Variants in PRKD1 observed in about 807,000 individuals in gnomAD.
PRKD1 encodes the protein serine/threonine-protein kinase D1.
Under a neutral mutation model 95.9 loss-of-function variants are expected in PRKD1, and 63 were observed. That is an observed-to-expected ratio of 0.66 (90% CI 0.54 to 0.81). The LOEUF (loss-of-function observed/expected upper bound fraction) is 0.81, where lower values mean the gene tolerates loss of function less well. Ranked by LOEUF, PRKD1 falls within the 30% of genes least tolerant of loss-of-function variation. The probability of loss-of-function intolerance (pLI) is 0.00; values close to 1 mark genes in which losing one functional copy is unlikely to be tolerated. For missense variants in PRKD1, 1,048 were observed against 1,165.3 expected, an observed-to-expected ratio of 0.90 and a Z score of 1.47; for synonymous variants, 425 against 423.1, an observed-to-expected ratio of 1.00 and a Z score of -0.05.
intron 1 of PRKD1, among the ~76,000 whole-genome samples, chr14:29,893,541 A>G (rs1894014086): frequency 6.6e-6 from 1 of 152,178 alleles, no homozygotes; most frequent in African/African-American, 2.4e-5. Flanking sequence ...GTCAGAAAAA[A>G]TAAGTAAATC....
At chr14:29,808,821 T>C (rs1193827192) in intron 1 of PRKD1, among the ~76,000 whole-genome samples, 3 of 152,216 alleles carry the variant, frequency 2.0e-5, no homozygotes, top group Non-Finnish European at 1.5e-5. Flanking sequence ...ACTCCTCTTA[T>C]TGTTACGGTT....
At chr14:29,858,305 T>C (rs528846246) in intron 1 of PRKD1, among the ~76,000 whole-genome samples, 2 of 152,318 alleles carry the variant, frequency 1.3e-5, no homozygotes, top group African/African-American at 4.8e-5. Flanking sequence ...GGGTACAAAC[T>C]GGTTTTTACA....
intron 4 of PRKD1, chr14:29,658,014 T>C (rs1881986696): frequency 6.6e-6 from 1 of 152,320 alleles, no homozygotes; most frequent in South Asian, 2.1e-4. Flanking sequence ...ATTACAACTT[T>C]GTTTGCAGGT....
intron 1 of PRKD1, among the ~76,000 whole-genome samples, chr14:29,870,735 T>A (rs1893073996): frequency 6.6e-6 from 1 of 152,228 alleles, no homozygotes; most frequent in Admixed American, 6.5e-5. Flanking sequence ...ATATTATGTG[T>A]CTATTATATG....
rs45608039 is a variant in PRKD1 at position 29,703,643 on chromosome 14, A to G, written c.403+21893T>C. ...GAAGATGTAGGTATAAAGGAAGATG[A>G]TAAGATTTACGTGTATATCTTTTTT... On this transcript the variant is annotated intron_variant, in intron 2 of 17. Transcript: ENST00000331968. Among the ~76,000 whole-genome samples, 133 of 152,302 alleles carry G rather than the reference A, an allele frequency of 8.7e-4. 1 individual carries two copies. Among genetic ancestry groups the G allele is most frequent in the African/African-American group, 3.0e-3 (126 of 41,568 alleles).
intron 1 of PRKD1, among the ~76,000 whole-genome samples, chr14:29,798,920 CCT>C (rs1384966601): frequency 1.1e-4 from 16 of 152,236 alleles, no homozygotes; most frequent in Non-Finnish European, 2.4e-4. Context: ...TGTTCTACCC[CCT>C]CTGTCCTTGA....
At chr14:29,777,047 C>T (rs936121752) in intron 1 of PRKD1, among the ~76,000 whole-genome samples, 2 of 152,078 alleles carry the variant, frequency 1.3e-5, no homozygotes, top group African/African-American at 2.4e-5. Flanking sequence ...TCAAACTAAG[C>T]TTTAGAAGTG....
intron 1 of PRKD1, among the ~76,000 whole-genome samples, chr14:29,730,404 T>G (rs527506702): frequency 2.6e-5 from 4 of 152,206 alleles, no homozygotes; most frequent in African/African-American, 9.6e-5. Flanking sequence ...AAGAGAACCC[T>G]GTACACTCTG....
intron 1 of PRKD1, among the ~76,000 whole-genome samples, chr14:29,745,145 G>A (rs1887154541): frequency 6.6e-6 from 1 of 152,136 alleles, no homozygotes; most frequent in Admixed American, 6.5e-5. Flanking sequence ...CCTTAGAGAG[G>A]CTTTCCCTGA....
intron 1 of PRKD1, among the ~76,000 whole-genome samples, chr14:29,811,112 G>A (rs186218795): frequency 3.9e-5 from 6 of 152,236 alleles, no homozygotes; most frequent in Non-Finnish European, 5.9e-5. Flanking sequence ...AATTTGCAGG[G>A]CCCCTTGTTC....
intron 1 of PRKD1, among the ~76,000 whole-genome samples, chr14:29,806,264 T>C (rs1890228390): frequency 6.6e-6 from 1 of 152,230 alleles, no homozygotes; most frequent in Admixed American, 6.5e-5. Flanking sequence ...CAGGATGGAT[T>C]GGACATTTTG....
At chr14:29,873,698 T>C (rs1189852305) in intron 1 of PRKD1, among the ~76,000 whole-genome samples, 1 of 152,264 alleles carries the variant, frequency 6.6e-6, no homozygotes, top group East Asian at 1.9e-4. Flanking sequence ...TTTACACAAG[T>C]TGGGGGGCAC....
chr14:29,802,959 T>C (rs896657613), intron 1 of PRKD1, among the ~76,000 whole-genome samples: 2 of 152,234 alleles, frequency 1.3e-5, no homozygotes, highest in Non-Finnish European at 2.9e-5. Context: ...ATAGCAACTC[T>C]GGTTTTATTT....
At chr14:29,816,326 G>A (rs1013747036) in intron 1 of PRKD1, among the ~76,000 whole-genome samples, 4 of 152,128 alleles carry the variant, frequency 2.6e-5, no homozygotes, top group Non-Finnish European at 4.4e-5. Context: ...AGTACAGAAA[G>A]AAAACCAAGC....
chr14:29,617,194 C>T (rs1188573319), intron 13 of PRKD1, among the ~76,000 whole-genome samples: 2 of 152,130 alleles, frequency 1.3e-5, no homozygotes, highest in Non-Finnish European at 2.9e-5. Flanking sequence ...TTTATCCAGT[C>T]TACCATTTTT....
At chr14:29,804,464 A>C (rs1286753350) in intron 1 of PRKD1, among the ~76,000 whole-genome samples, 1 of 152,086 alleles carries the variant, frequency 6.6e-6, no homozygotes, top group African/African-American at 2.4e-5. Context: ...CTTTTTCCAG[A>C]ATCTTGTCTC....
intron 1 of PRKD1, among the ~76,000 whole-genome samples, chr14:29,871,276 A>T (rs1385249011): frequency 6.6e-6 from 1 of 152,252 alleles, no homozygotes; most frequent in Admixed American, 6.5e-5. Context: ...TAACATTTCA[A>T]ATTTTCACAC....
intron 4 of PRKD1, among the ~76,000 whole-genome samples, chr14:29,640,068 A>G (rs2139141550): frequency 6.6e-6 from 1 of 152,292 alleles, no homozygotes; most frequent in Non-Finnish European, 1.5e-5. Context: ...TCTCATTTAT[A>G]TATCTTAGTT....
chr14:29,603,410 C>G (rs2139025141), intron 13 of PRKD1, among the ~76,000 whole-genome samples: 1 of 152,206 alleles, frequency 6.6e-6, no homozygotes, highest in South Asian at 2.1e-4. Flanking sequence ...GAAAACAAAA[C>G]AGACTACATA....
Sources: gnomAD v4.1 joint callset for allele counts (sites outside exome capture counted in the v4.1 genomes callset) on GRCh38, gnomAD v4.1.1 for gene constraint, MANE v1.5 for transcripts, NCBI Gene and HGNC (gene_info 2026-07-23, HGNC 2026-07-21) for gene names.